Variants in C1orf141 observed in about 807,000 individuals in gnomAD.
C1orf141 encodes chromosome 1 open reading frame 141, also known as uncharacterized protein C1orf141.
In C1orf141, 19 loss-of-function variants were observed where a neutral mutation model predicts 23.2. The ratio of observed to expected loss-of-function variants is 0.82; its 90% CI spans 0.57 to 1.20. The LOEUF (loss-of-function observed/expected upper bound fraction) is 1.20, where lower values mean the gene tolerates loss of function less well. Among genes scored for constraint, C1orf141 ranks in the 50% most tolerant of loss-of-function variants. The probability of loss-of-function intolerance (pLI) is 0.00; values close to 1 mark genes in which losing one functional copy is unlikely to be tolerated. For missense variants in C1orf141, 469 were observed against 455.1 expected (o/e 1.03, Z -0.28); for synonymous variants, 153 against 154.6 (o/e 0.99, Z 0.08).
At chr1:67,115,107 T>C (rs1646167455) in intron 5 of C1orf141, among the ~76,000 whole-genome samples, 2 of 152,014 alleles carry the variant, frequency 1.3e-5, no homozygotes, top group African/African-American at 4.8e-5. Context: ...ATTTTCTTTC[T>C]AGAAGAAAAC....
chr1:67,095,566 C>T, intron 6 of C1orf141, 145 bp from the exon 7 acceptor site: 1 of 549,260 alleles, frequency 1.8e-6, no homozygotes, highest in East Asian at 3.0e-5. Context: ...ACAAGATCAT[C>T]CCGTCCTGCC....
chr1:67,115,367 CT>C lies in C1orf141; in HGVS notation c.330del (p.Glu111LysfsTer22). The C allele has an allele frequency of 8.1e-7, 1 of 1,239,154 alleles. No homozygotes were observed. The highest frequency in any genetic ancestry group is 1.3e-5 in the South Asian group (1 of 75,950). The allele number at this position is 1,239,154 out of a possible 1,614,324, so 76.8% of individuals were successfully genotyped here. ...PFFIQTNVKN[K>X]ESESTAQIEK... ...AAAGCATTACCTGTTGACTCACTTTCTTTATTTTTTACATTTGTTTGAATAA... is the reference window on the plus strand; with the variant it reads ...AAAGCATTACCTGTTGACTCACTTTCTTATTTTTTACATTTGTTTGAATAA... On this transcript the variant is annotated frameshift_variant, in exon 5 of 8. Transcript: ENST00000684719. LOFTEE classifies it high-confidence loss of function.
chr1:67,103,863 T>G (rs1443287563), intron 5 of C1orf141, among the ~76,000 whole-genome samples: 3 of 152,090 alleles, frequency 2.0e-5, no homozygotes, highest in Non-Finnish European at 4.4e-5. Context: ...GATTGGCAGA[T>G]TGGGTCCATA....
chr1:67,140,625 A>G (rs1478674902), intron 1 of C1orf141, among the ~76,000 whole-genome samples: 1 of 152,206 alleles, frequency 6.6e-6, no homozygotes, highest in Non-Finnish European at 1.5e-5. Context: ...TTATGTAAAA[A>G]CCTTAAAAAA....
intron 5 of C1orf141, among the ~76,000 whole-genome samples, chr1:67,106,261 G>C (rs1226848218): frequency 2.0e-5 from 3 of 152,124 alleles, no homozygotes; most frequent in Non-Finnish European, 4.4e-5. Flanking sequence ...AAGAAAGTGA[G>C]ACCTAGTGTT....
Position 67,132,580 on chromosome 1 carries a change from A to AACCAG in C1orf141, c.-103-1354_-103-1353insCTGGT, listed in dbSNP as rs1646534524. Among the ~76,000 whole-genome samples, 3 of 152,104 alleles carry AACCAG rather than the reference A, an allele frequency of 2.0e-5. No homozygotes were observed. In the South Asian group the frequency reaches 6.2e-4, roughly 32 times the overall value. ...CTCTTCCTTACTGGGTTGAAAGCTC[A>AACCAG]TTTGAAGCAAGAATTGACTTATCCA... On this transcript the variant is annotated intron_variant, in intron 1 of 7. Transcript: ENST00000684719.
intron 5 of C1orf141, among the ~76,000 whole-genome samples, chr1:67,106,969 C>T (rs1396052823): frequency 6.6e-6 from 1 of 152,142 alleles, no homozygotes; most frequent in Non-Finnish European, 1.5e-5. Context: ...TTAATAAGAG[C>T]CTCAGAGGGA....
At chr1:67,103,942 A>G (rs971994112) in intron 5 of C1orf141, among the ~76,000 whole-genome samples, 1 of 152,240 alleles carries the variant, frequency 6.6e-6, no homozygotes, top group African/African-American at 2.4e-5. Context: ...TATAAACTGA[A>G]TACTTTGTGA....
intron 4 of C1orf141, among the ~76,000 whole-genome samples, chr1:67,117,430 A>G (rs67286366): frequency 0.14 from 21,579 of 152,172 alleles, 1,621 homozygotes; most frequent in African/African-American, 0.17. Context: ...CTCGAAAGAA[A>G]AAAAAAATTA....
At chr1:67,104,128 G>C (rs1358645723) in intron 5 of C1orf141, among the ~76,000 whole-genome samples, 1 of 152,018 alleles carries the variant, frequency 6.6e-6, no homozygotes, top group Non-Finnish European at 1.5e-5. Flanking sequence ...ACACAAAACA[G>C]TAGTAAATAA....
chr1:67,136,980 G>A (rs1447694643), upstream of C1orf141, among the ~76,000 whole-genome samples: 1 of 152,152 alleles, frequency 6.6e-6, no homozygotes, highest in African/African-American at 2.4e-5. Flanking sequence ...CTGGGTAAAG[G>A]AGCCTAATGA....
chr1:67,107,233 T>C (rs1312082618), intron 5 of C1orf141, among the ~76,000 whole-genome samples: 1 of 123,884 alleles, frequency 8.1e-6, no homozygotes, highest in Non-Finnish European at 1.6e-5. Flanking sequence ...CCCAAACAAA[T>C]AAAAAGAGAG....
At chr1:67,119,679 G>T (rs1014369652) in intron 4 of C1orf141, among the ~76,000 whole-genome samples, 1 of 152,138 alleles carries the variant, frequency 6.6e-6, no homozygotes, top group African/African-American at 2.4e-5. Flanking sequence ...AATAGAGATG[G>T]GATTATACCA....
Position 67,127,173 on chromosome 1 carries a change from C to G in C1orf141, c.68G>C (p.Arg23Thr). The change falls in exon 3 of 8, where the codon AGA becomes ACA. Residue 23 changes from arginine to threonine, a missense_variant. This residue lies in a region of C1orf141 where 95 missense variants were observed against 90.3 expected (regional missense o/e 1.05). Coordinates refer to ENST00000684719, the MANE Select transcript of C1orf141 (RefSeq NM_001276351.2). ...DKQAEIILAR[R>T]TKINRLQSEG... ...AGCTTATACGTCACAAACCTTTGTT[C>G]TTCTGGCCAAGATTATCTCTGCTTG... The G allele has an allele frequency of 6.2e-7, 1 of 1,605,830 alleles. No individual in the cohort carries two copies. Among genetic ancestry groups the G allele is most frequent in the Non-Finnish European group, 8.5e-7 (1 of 1,176,428 alleles).
At chr1:67,134,724 C>T (rs982767380) in intron 1 of C1orf141, among the ~76,000 whole-genome samples, 1 of 152,116 alleles carries the variant, frequency 6.6e-6, no homozygotes, top group Non-Finnish European at 1.5e-5. Flanking sequence ...CCTGGAAGAG[C>T]CCCCCGGGCT....
intron 7 of C1orf141, 48 bp downstream of exon 7, chr1:67,095,187 T>C (rs772674345): frequency 9.1e-7 from 1 of 1,093,874 alleles, no homozygotes; most frequent in Non-Finnish European, 1.3e-6. Context: ...TTCCCATAAG[T>C]CTTATGACTA....
intron 5 of C1orf141, among the ~76,000 whole-genome samples, chr1:67,099,573 A>G (rs1400541243): frequency 6.6e-6 from 1 of 152,196 alleles, no homozygotes; most frequent in East Asian, 1.9e-4. Flanking sequence ...TGAGGACAGG[A>G]GTTTGAGAGC....
chr1:67,125,034 A>T (rs1348416034), intron 4 of C1orf141, among the ~76,000 whole-genome samples: 1 of 152,244 alleles, frequency 6.6e-6, no homozygotes, highest in Non-Finnish European at 1.5e-5. Flanking sequence ...GCATTATGCA[A>T]GTACTAAATG....
intron 5 of C1orf141, among the ~76,000 whole-genome samples, chr1:67,107,560 TAAG>T (rs1217100838): frequency 6.6e-6 from 1 of 152,178 alleles, no homozygotes; most frequent in Non-Finnish European, 1.5e-5. Flanking sequence ...ACGGGATGCA[TAAG>T]AAGGCTGCAG....
Sources: allele counts gnomAD v4.1 joint callset (sites outside exome capture counted in the v4.1 genomes callset), GRCh38; gene constraint gnomAD v4.1.1; regional missense constraint gnomAD v4.1.1; transcripts MANE v1.5; gene names NCBI Gene and HGNC (gene_info 2026-07-23, HGNC 2026-07-21).